Variants in EXPH5 observed in about 807,000 individuals in gnomAD.
EXPH5 encodes exophilin 5.
Under a neutral mutation model 41.1 loss-of-function variants are expected in EXPH5, and 42 were observed. The ratio of observed to expected loss-of-function variants is 1.02; its 90% CI spans 0.80 to 1.32. EXPH5 has a LOEUF of 1.32. Ranked by LOEUF, EXPH5 falls within the 40% of genes most tolerant of loss-of-function variation. The pLI, the probability that EXPH5 is intolerant of heterozygous loss-of-function variation, is 0.00. For synonymous variants in EXPH5, 798 were observed against 833.5 expected (o/e 0.96, Z 0.73); for missense variants, 2,298 against 2,314.5 (o/e 0.99, Z 0.15).
upstream of EXPH5, among the ~76,000 whole-genome samples, chr11:108,598,543 A>G (rs1439949960): frequency 2.6e-5 from 4 of 152,130 alleles, no homozygotes; most frequent in African/African-American, 9.7e-5. Flanking sequence ...TAACAGAGTG[A>G]TATGGTGGAG....
intron 3 of EXPH5, among the ~76,000 whole-genome samples, chr11:108,535,680 A>T (rs1011157273): frequency 1.3e-5 from 2 of 152,200 alleles, no homozygotes; most frequent in Non-Finnish European, 2.9e-5. Flanking sequence ...TACTTATGTA[A>T]TCTAGAGGTT....
chr11:108,517,176 A>AACAC (rs1275039954), intron 5 of EXPH5, among the ~76,000 whole-genome samples: 1 of 152,262 alleles, frequency 6.6e-6, no homozygotes, highest in East Asian at 1.9e-4. Flanking sequence ...ATCCCAGATT[A>AACAC]ACAATGCTGT....
intron 4 of EXPH5, among the ~76,000 whole-genome samples, chr11:108,525,711 C>G (rs993151008): frequency 6.6e-6 from 1 of 151,996 alleles, no homozygotes; most frequent in African/African-American, 2.4e-5. Flanking sequence ...TTCATCACCT[C>G]AAATCTTGGG....
intron 1 of EXPH5, among the ~76,000 whole-genome samples, chr11:108,554,543 G>A (rs966014604): frequency 2.6e-5 from 4 of 152,132 alleles, no homozygotes; most frequent in African/African-American, 7.2e-5. Flanking sequence ...GTGCAGGATG[G>A]GTGGTAAAGG....
intron 1 of EXPH5, among the ~76,000 whole-genome samples, chr11:108,590,551 C>T (rs992059746): frequency 2.6e-5 from 4 of 152,166 alleles, no homozygotes; most frequent in African/African-American, 9.7e-5. Context: ...GTGGGTGGGG[C>T]TGCTGCCTTC....
intron 2 of EXPH5, among the ~76,000 whole-genome samples, chr11:108,540,689 T>C (rs959504995): frequency 6.6e-6 from 1 of 152,162 alleles, no homozygotes; most frequent in African/African-American, 2.4e-5. Flanking sequence ...AAGCAAGTTT[T>C]AGTATCCTTT....
At chr11:108,599,430 C>T in the EXPH5 span, among the ~76,000 whole-genome samples, 2 of 152,132 alleles carry the variant, frequency 1.3e-5, no homozygotes, top group Non-Finnish European at 2.9e-5. Flanking sequence ...AATGCATACT[C>T]ATAACACAGT....
At chr11:108,580,041 A>T (rs1591757795) in intron 1 of EXPH5, among the ~76,000 whole-genome samples, 1 of 152,242 alleles carries the variant, frequency 6.6e-6, no homozygotes, top group East Asian at 1.9e-4. Context: ...AAAAGTAAAA[A>T]TAAACAAATG....
chr11:108,550,218 T>G (rs2093957130), intron 1 of EXPH5, among the ~76,000 whole-genome samples: 1 of 152,198 alleles, frequency 6.6e-6, no homozygotes, highest in African/African-American at 2.4e-5. Flanking sequence ...TTCTGCTCTC[T>G]TCCTCTTGGG....
At chr11:108,574,519 AATAT>A in intron 1 of EXPH5, among the ~76,000 whole-genome samples, 1 of 152,334 alleles carries the variant, frequency 6.6e-6, no homozygotes, top group East Asian at 1.9e-4. Context: ...TGTGTAGTGA[AATAT>A]ATAAATCAAT....
At chr11:108,541,833 A>C in intron 1 of EXPH5, 21 bp from the exon 2 acceptor site, 1 of 1,550,866 alleles carries the variant, frequency 6.4e-7, no homozygotes, top group East Asian at 2.3e-5. Flanking sequence ...ATAAAACATT[A>C]ATGTGGTCTT....
intron 1 of EXPH5, among the ~76,000 whole-genome samples, chr11:108,573,185 A>G (rs1392765623): frequency 1.4e-5 from 2 of 139,162 alleles, no homozygotes; most frequent in African/African-American, 6.4e-5. Flanking sequence ...AGAAAGAAAG[A>G]AAGAAAGAAA....
chr11:108,524,847 T>C (rs1029194567), intron 4 of EXPH5, among the ~76,000 whole-genome samples: 1 of 152,234 alleles, frequency 6.6e-6, no homozygotes, highest in Non-Finnish European at 1.5e-5. Context: ...TCATTTCTTC[T>C]TTCAATTACT....
intron 1 of EXPH5, among the ~76,000 whole-genome samples, chr11:108,559,579 C>T (rs1021161804): frequency 5.3e-5 from 8 of 152,224 alleles, no homozygotes; most frequent in Non-Finnish European, 1.2e-4. Flanking sequence ...ATTCTGACCA[C>T]ATCCTCTGCA....
rs145599840 is a variant in EXPH5, at chr11:108,560,657, A to T, written c.120-18845T>A. ...CTTGTTAAGTTTTGTCTGTAGATGT[A>T]GTCACATTTATTTACCAAAACATAC... On this transcript the variant is annotated intron_variant, in intron 1 of 5. Coordinates refer to ENST00000265843, the MANE Select transcript of EXPH5 (RefSeq NM_015065.3). Among the ~76,000 whole-genome samples, 4 of 152,348 alleles carry T rather than the reference A, an allele frequency of 2.6e-5. No individual in the cohort carries two copies. The East Asian group carries it at 5.8e-4, about 22-fold the overall frequency.
chr11:108,516,762 TAATTAAGG>T (rs972184354), intron 5 of EXPH5, among the ~76,000 whole-genome samples: 10 of 152,226 alleles, frequency 6.6e-5, no homozygotes, highest in African/African-American at 2.4e-4. Flanking sequence ...TAAGGATATG[TAATTAAGG>T]AATTCTTTTA....
At chr11:108,572,672 C>T (rs1236946834) in intron 1 of EXPH5, among the ~76,000 whole-genome samples, 1 of 152,168 alleles carries the variant, frequency 6.6e-6, no homozygotes, top group Non-Finnish European at 1.5e-5. Context: ...GATTCTCCTG[C>T]CTCAGCCTCC....
rs2093640774 is a variant in EXPH5 at position 108,505,693 on chromosome 11, G to A, written c.*3844C>T. 6.6e-6 allele frequency: 1 copy of A among 152,114 alleles called. No homozygotes were observed. The highest frequency in any genetic ancestry group is 6.5e-5 in the Admixed American group (1 of 15,282). 9.4% of individuals were successfully genotyped at this position (152,114 alleles called of 1,614,324 possible). ...CATATTTACACTGTACATTTAAATG[G>A]GATATTCTGAAGCATTATTATTATC... On this transcript the variant is annotated 3_prime_UTR_variant, in exon 6 of 6. Coordinates refer to ENST00000265843, the MANE Select transcript of EXPH5 (RefSeq NM_015065.3).
intron 3 of EXPH5, among the ~76,000 whole-genome samples, chr11:108,529,159 C>A (rs1191151858): frequency 4.6e-5 from 7 of 151,434 alleles, no homozygotes; most frequent in Admixed American, 3.9e-4. Context: ...GAGAAAAAAA[C>A]CACTACAACA....
Sources: gnomAD v4.1 joint callset for allele counts (sites outside exome capture counted in the v4.1 genomes callset) on GRCh38, gnomAD v4.1.1 for gene constraint, MANE v1.5 for transcripts, NCBI Gene and HGNC (gene_info 2026-07-23, HGNC 2026-07-21) for gene names.